Variants in ADGB observed in about 807,000 individuals in gnomAD.
ADGB encodes androglobin, also known as calpain-7-like protein.
In ADGB, 172 loss-of-function variants were observed where a neutral mutation model predicts 210.5. That is an observed-to-expected ratio of 0.82 (90% CI 0.72 to 0.93). The LOEUF (loss-of-function observed/expected upper bound fraction) is 0.93, where lower values mean the gene tolerates loss of function less well. Ranked by LOEUF, ADGB falls within the 40% of genes least tolerant of loss-of-function variation. The pLI is 0.00. For synonymous variants in ADGB, 658 were observed against 662.7 expected (o/e 0.99, Z 0.11); for missense variants, 2,025 against 1,964.8 (o/e 1.03, Z -0.58).
At chr6:146,733,857 T>C in intron 21 of ADGB, 36 bp from the exon 22 acceptor site, 5 of 1,550,698 alleles carry the variant, frequency 3.2e-6, no homozygotes, top group Non-Finnish European at 4.4e-6. Context: ...GGATTAAATA[T>C]AACTTTCAGT....
At chr6:146,727,556 C>T (rs1433348100) in intron 19 of ADGB, among the ~76,000 whole-genome samples, 2 of 151,932 alleles carry the variant, frequency 1.3e-5, no homozygotes, top group South Asian at 2.1e-4. Flanking sequence ...AATTTATCTC[C>T]CCAGGTGTTT....
chr6:146,710,687 T>C (rs931875341), intron 13 of ADGB, among the ~76,000 whole-genome samples: 4 of 152,104 alleles, frequency 2.6e-5, no homozygotes, highest in African/African-American at 9.7e-5. Context: ...CAACATTTTT[T>C]GAAATTTTAA....
At chr6:146,614,742 TG>T (rs1780765697) in intron 1 of ADGB, among the ~76,000 whole-genome samples, 3 of 152,166 alleles carry the variant, frequency 2.0e-5, no homozygotes, top group South Asian at 2.1e-4. Context: ...GAAATGAGGT[TG>T]AATTGGCTCA....
Position 146,733,250 on chromosome 6 carries a change from C to T in ADGB, c.2651C>T (p.Ser884Phe). 1 of 1,516,556 alleles carries T rather than the reference C, an allele frequency of 6.6e-7. No individual in the cohort carries two copies. Among genetic ancestry groups the T allele is most frequent in the Non-Finnish European group, 8.8e-7 (1 of 1,134,386 alleles). The allele number at this position is 1,516,556 out of a possible 1,614,324, so 93.9% of individuals were successfully genotyped here. A position where few individuals can be genotyped will look rare whatever the true frequency, so the allele number is the denominator to read the frequency against. The stretch of plus-strand genomic sequence containing the variant: ...CTCAATTCCTCCTTGGAAGAGGTTT[C>T]TTTAGGTACCCATGAATTGTATATA... Reference protein sequence around the residue: ...ELLNSSLEEVSLVEWLDVKYC... With the variant: ...ELLNSSLEEVFLVEWLDVKYC... The change falls in exon 21 of 36, where the codon TCT (serine) becomes TTT (phenylalanine). Residue 884 changes from serine to phenylalanine, a missense_variant. Ser to Phe is a radical substitution (Grantham distance 155, BLOSUM62 -2). Coordinates refer to ENST00000397944, the MANE Select transcript of ADGB (RefSeq NM_024694.4).
rs750092998 is a variant in ADGB, at chr6:146,733,202, C to T, written c.2603C>T (p.Ala868Val). ...CCAAACTTCAAATTTGCATTCCGGG[C>T]TATGGTTTTGGACTTGGAGTTACTC... ...PPPNFKFAFR[A>V]MVLDLELLNS... Residue 868 changes from alanine (A) to valine (V), a missense_variant, in exon 21 of 36, where the codon GCT (alanine) becomes GTT (valine). Physicochemically the swap from Ala to Val is moderately conservative, Grantham distance 64. Coordinates refer to ENST00000397944, the MANE Select transcript of ADGB (RefSeq NM_024694.4). 80 of 1,543,432 alleles carry T rather than the reference C, an allele frequency of 5.2e-5. No homozygotes were observed. Among genetic ancestry groups the T allele is most frequent in the Non-Finnish European group, 7.0e-5 (80 of 1,142,234 alleles).
At chr6:146,749,847 G>A (rs9497617) in intron 26 of ADGB, among the ~76,000 whole-genome samples, 26,484 of 151,776 alleles carry the variant, frequency 0.17, 2,517 homozygotes, top group East Asian at 0.39. Flanking sequence ...AGAGAAGGGG[G>A]AAGTGCTATA....
intron 1 of ADGB, among the ~76,000 whole-genome samples, chr6:146,603,349 A>G (rs1158431232): frequency 6.6e-6 from 1 of 152,234 alleles, no homozygotes; most frequent in Admixed American, 6.5e-5. Context: ...AGTACTAAAT[A>G]TAATTCTTTG....
intron 3 of ADGB, among the ~76,000 whole-genome samples, chr6:146,646,215 G>T (rs1322695058): frequency 2.6e-5 from 4 of 151,974 alleles, no homozygotes; most frequent in Non-Finnish European, 5.9e-5. Context: ...TCCTTTTTGG[G>T]CAAGATATGC....
intron 35 of ADGB, chr6:146,803,724 C>G (rs1778166300): frequency 2.1e-6 from 2 of 970,742 alleles, no homozygotes; most frequent in South Asian, 2.9e-5. Flanking sequence ...TCTTAAGTAC[C>G]GGCGCCTCAT....
At chr6:146,806,423 CTCTT>C (rs1583648850) in intron 35 of ADGB, among the ~76,000 whole-genome samples, 1 of 152,154 alleles carries the variant, frequency 6.6e-6, no homozygotes, top group African/African-American at 2.4e-5. Flanking sequence ...CTCTTGCTGT[CTCTT>C]TCTCTCTTTA....
At chr6:146,743,741 C>T (rs922590381) in intron 25 of ADGB, among the ~76,000 whole-genome samples, 1 of 152,176 alleles carries the variant, frequency 6.6e-6, no homozygotes, top group Admixed American at 6.5e-5. Flanking sequence ...CGGCAAAAGC[C>T]TGTCTCTACT....
chr6:146,612,505 C>T (rs1780726302), intron 1 of ADGB, among the ~76,000 whole-genome samples: 1 of 152,166 alleles, frequency 6.6e-6, no homozygotes, highest in Non-Finnish European at 1.5e-5. Flanking sequence ...TTGTGCATCA[C>T]ATTCACGTGG....
intron 12 of ADGB, among the ~76,000 whole-genome samples, chr6:146,695,083 C>T (rs184008635): frequency 1.4e-3 from 216 of 152,264 alleles, no homozygotes; most frequent in Non-Finnish European, 1.6e-3. Flanking sequence ...AGCATTATTA[C>T]TATACTGTCT....
chr6:146,721,325 A>G, intron 16 of ADGB, 78 bp from the exon 17 acceptor site: 2 of 905,744 alleles, frequency 2.2e-6, no homozygotes, highest in South Asian at 1.5e-5. Context: ...TAGATGTTAT[A>G]CTATGTTTTC....
intron 2 of ADGB, among the ~76,000 whole-genome samples, chr6:146,641,480 C>T (rs927074233): frequency 7.9e-5 from 12 of 151,194 alleles, no homozygotes; most frequent in African/African-American, 2.4e-4. Flanking sequence ...GGAGGAATCA[C>T]GCGACCTGAC....
intron 1 of ADGB, among the ~76,000 whole-genome samples, chr6:146,628,589 C>T (rs1781014267): frequency 6.6e-6 from 1 of 151,868 alleles, no homozygotes; most frequent in African/African-American, 2.4e-5. Context: ...ATACTATAAG[C>T]TTGCATAGTA....
chr6:146,697,058 GA>G (rs966494346), intron 12 of ADGB, among the ~76,000 whole-genome samples: 30 of 151,660 alleles, frequency 2.0e-4, no homozygotes, highest in Non-Finnish European at 3.7e-4. Flanking sequence ...CACTCATAGG[GA>G]AAAAAAAGAC....
intron 33 of ADGB, among the ~76,000 whole-genome samples, chr6:146,795,260 C>T (rs1225037939): frequency 6.6e-6 from 1 of 151,960 alleles, no homozygotes; most frequent in African/African-American, 2.4e-5. Context: ...AATTTCATGA[C>T]AAAGACACCT....
intron 1 of ADGB, 66 bp downstream of exon 1, chr6:146,599,180 G>A (rs778192822): frequency 2.2e-5 from 31 of 1,437,228 alleles, no homozygotes; most frequent in East Asian, 2.5e-5. Context: ...CTAGTTCTGG[G>A]GCTGCCTCCC....
Sources: allele counts gnomAD v4.1 joint callset (sites outside exome capture counted in the v4.1 genomes callset), GRCh38; gene constraint gnomAD v4.1.1; transcripts MANE v1.5; gene names NCBI Gene and HGNC (gene_info 2026-07-23, HGNC 2026-07-21).